The following PDE8B variants were observed in gnomAD, a reference collection of about 807,000 sequenced individuals.
The protein encoded by PDE8B is phosphodiesterase 8B, also known as high affinity cAMP-specific and IBMX-insensitive 3',5'-cyclic phosphodiesterase 8B.
PDE8B carries 26 observed loss-of-function variants against 101.3 expected under a neutral mutation model. The observed-to-expected ratio is 0.26, with a 90% CI of 0.19 to 0.36. The LOEUF (loss-of-function observed/expected upper bound fraction) is 0.36. Among genes scored for constraint, PDE8B ranks in the 10% least tolerant of loss-of-function variants. The pLI, the probability that PDE8B is intolerant of heterozygous loss-of-function variation, is 1.00. For synonymous variants in PDE8B, 424 were observed against 429.3 expected, an observed-to-expected ratio of 0.99 and a Z score of 0.15; for missense variants, 810 against 1,163.1, an observed-to-expected ratio of 0.70 and a Z score of 4.42.
Position 77,349,543 on chromosome 5 carries a change from G to A in PDE8B, c.1001G>A (p.Cys334Tyr), listed in dbSNP as rs973608754. 6.2e-7 allele frequency: 1 copy of A among 1,614,144 alleles called. No individual in the cohort carries two copies. Among genetic ancestry groups the A allele is most frequent in the East Asian group, 2.2e-5 (1 of 44,878 alleles). ...GACCTTCTCGACACCATCAATACAT[G>A]CATCAAGAAGGGAAAGGTGGGTTAC... ...RADLLDTINT[C>Y]IKKGKEWQGV... Residue 334 changes from cysteine to tyrosine, a missense_variant, in exon 8 of 22, where the codon TGC (cysteine) becomes TAC (tyrosine). By Grantham distance (194) the Cys-to-Tyr change is radical. This residue lies in a region of PDE8B where 251 missense variants were observed against 378.8 expected (regional missense o/e 0.66). Transcript: ENST00000264917.
the PDE8B span, among the ~76,000 whole-genome samples, chr5:77,104,203 C>T: frequency 1.2e-4 from 18 of 152,294 alleles, no homozygotes; most frequent in African/African-American, 3.4e-4. Flanking sequence ...GGGCCTATCG[C>T]TCTTCCACAC....
At chr5:77,117,957 C>T in the PDE8B span, among the ~76,000 whole-genome samples, 234 of 151,798 alleles carry the variant, frequency 1.5e-3, no homozygotes, top group African/African-American at 5.3e-3. Flanking sequence ...TTTTTTGAGA[C>T]GGAGTTTCGC....
intron 1 of PDE8B, among the ~76,000 whole-genome samples, chr5:77,275,559 G>A (rs1401464028): frequency 6.6e-6 from 1 of 152,212 alleles, no homozygotes; most frequent in African/African-American, 2.4e-5. Flanking sequence ...ATGCTTGGGA[G>A]AAGAGAATTA....
At chr5:77,248,060 C>G (rs1757327725) in intron 1 of PDE8B, among the ~76,000 whole-genome samples, 1 of 152,222 alleles carries the variant, frequency 6.6e-6, no homozygotes, top group Non-Finnish European at 1.5e-5. Flanking sequence ...CATGGGACAG[C>G]TGAGAAAACA....
the PDE8B span, among the ~76,000 whole-genome samples, chr5:77,095,075 ACT>A: frequency 6.6e-6 from 1 of 151,996 alleles, no homozygotes; most frequent in South Asian, 2.1e-4. Flanking sequence ...TTTCTATGAA[ACT>A]CTCAAAAAAT....
At chr5:77,173,842 G>A in the PDE8B span, among the ~76,000 whole-genome samples, 8 of 152,212 alleles carry the variant, frequency 5.3e-5, no homozygotes, top group African/African-American at 9.6e-5. Flanking sequence ...CGTGGCATGC[G>A]TTTTATTTTC....
At chr5:77,333,947 G>C (rs1446293280) in intron 5 of PDE8B, among the ~76,000 whole-genome samples, 1 of 152,226 alleles carries the variant, frequency 6.6e-6, no homozygotes, top group East Asian at 1.9e-4. Flanking sequence ...GGCCCTGATA[G>C]AGGCCATTTG....
intron 1 of PDE8B, among the ~76,000 whole-genome samples, chr5:77,301,133 A>T (rs1319806735): frequency 6.6e-6 from 1 of 152,152 alleles, no homozygotes; most frequent in Non-Finnish European, 1.5e-5. Context: ...TGGATTCTTG[A>T]TGGGGTACCA....
the PDE8B span, among the ~76,000 whole-genome samples, chr5:77,188,026 C>T: frequency 6.6e-6 from 1 of 152,130 alleles, no homozygotes; most frequent in African/African-American, 2.4e-5. Flanking sequence ...GAGAACATGA[C>T]TTCTCTAGGG....
At position 77,411,842 on chromosome 5, in the gene PDE8B, A is replaced by C. The variant is rs1794630696; in HGVS notation, c.1576+121A>C. On this transcript the variant is annotated intron_variant, in intron 15 of 21. Transcript: ENST00000264917. ...CTAGTCCCATTTGAGTTTAAGCATC[A>C]ATATGGTCTACATTTAAAACTAGTC... 4.9e-6 allele frequency: 4 copies of C among 821,652 alleles called. No homozygotes were observed. In the East Asian group the frequency reaches 1.0e-4, roughly 21 times the overall value. The allele number at this position is 821,652 out of a possible 1,614,324, so 50.9% of individuals were successfully genotyped here.
At chr5:77,294,660 C>CA (rs969420478) in intron 1 of PDE8B, among the ~76,000 whole-genome samples, 12 of 144,828 alleles carry the variant, frequency 8.3e-5, no homozygotes, top group East Asian at 2.0e-4. Context: ...GAAATAAAAG[C>CA]AAAAAAAAAT....
intron 9 of PDE8B, among the ~76,000 whole-genome samples, chr5:77,351,637 T>C (rs1481899479): frequency 6.6e-6 from 1 of 152,142 alleles, no homozygotes; most frequent in Non-Finnish European, 1.5e-5. Context: ...CTCAATCCAC[T>C]GAATCTCAGA....
At chr5:77,090,435 A>G in the PDE8B span, among the ~76,000 whole-genome samples, 1 of 151,976 alleles carries the variant, frequency 6.6e-6, no homozygotes, top group African/African-American at 2.4e-5. Context: ...CACCACACCC[A>G]TTAATTTTTT....
At chr5:77,162,684 G>T in the PDE8B span, among the ~76,000 whole-genome samples, 1 of 152,120 alleles carries the variant, frequency 6.6e-6, no homozygotes, top group East Asian at 1.9e-4. Flanking sequence ...TTTTAATATT[G>T]AAATCATGTT....
chr5:77,231,543 T>C lies in PDE8B; in HGVS notation c.339+20279T>C, dbSNP rs772531587. Reference sequence around the variant, plus strand: ...TCAGAGAAAGTAGGAACGATGATAATGGTAACAATGTCAAAAGGAAGCTGT... The same window carrying C: ...TCAGAGAAAGTAGGAACGATGATAACGGTAACAATGTCAAAAGGAAGCTGT... On this transcript the variant is annotated intron_variant, in intron 1 of 21. Coordinates refer to ENST00000264917, the MANE Select transcript of PDE8B (RefSeq NM_003719.5). 4.6e-5 allele frequency among the ~76,000 whole-genome samples: 7 copies of C among 152,314 alleles called. No homozygotes were observed. In the East Asian group the frequency reaches 1.3e-3, roughly 29 times the overall value.
chr5:77,194,623 C>A, the PDE8B span, among the ~76,000 whole-genome samples: 1 of 152,110 alleles, frequency 6.6e-6, no homozygotes, highest in Non-Finnish European at 1.5e-5. Flanking sequence ...CATTCCCCAG[C>A]CCCTGGCAAG....
the PDE8B span, among the ~76,000 whole-genome samples, chr5:77,155,790 A>G: frequency 6.6e-6 from 1 of 152,198 alleles, no homozygotes; most frequent in African/African-American, 2.4e-5. Context: ...TGACTCTGGT[A>G]TCAGGGGTAT....
chr5:77,345,795 G>A (rs1483956406), intron 7 of PDE8B, among the ~76,000 whole-genome samples: 2 of 152,184 alleles, frequency 1.3e-5, no homozygotes, highest in Non-Finnish European at 2.9e-5. Flanking sequence ...AGAGTGGCAT[G>A]GAGTGTGAGG....
the PDE8B span, among the ~76,000 whole-genome samples, chr5:77,135,996 T>C: frequency 1.3e-5 from 2 of 152,312 alleles, no homozygotes; most frequent in Admixed American, 1.3e-4. Context: ...CTAATTTTCC[T>C]ATCTTTTTTC....
Sources: allele counts gnomAD v4.1 joint callset (sites outside exome capture counted in the v4.1 genomes callset), GRCh38; gene constraint gnomAD v4.1.1; regional missense constraint gnomAD v4.1.1; transcripts MANE v1.5; gene names NCBI Gene and HGNC (gene_info 2026-07-23, HGNC 2026-07-21).